Variants in UBIAD1 observed in about 807,000 individuals in gnomAD.
The protein encoded by UBIAD1 is UbiA prenyltransferase domain containing 1.
A neutral mutation model predicts 20.1 loss-of-function variants in UBIAD1; 12 were observed. The ratio of observed to expected loss-of-function variants is 0.60; its 90% CI spans 0.38 to 0.97. The LOEUF is 0.97. Among genes scored for constraint, UBIAD1 ranks in the 50% least tolerant of loss-of-function variants. The pLI is 0.00. For synonymous variants in UBIAD1, 207 were observed against 189.2 expected (o/e 1.09, Z -0.77); for missense variants, 333 against 419.5 (o/e 0.79, Z 1.80).
At chr1:11,295,280 C>T (rs1208038631), downstream of UBIAD1, 1 of 245,754 alleles carries the variant, frequency 4.1e-6, no homozygotes, top group East Asian at 9.5e-5. Flanking sequence ...TCCATGGAAA[C>T]CGAGGTGCTG....
chr1:11,297,406 C>G (rs1467387261), downstream of UBIAD1, among the ~76,000 whole-genome samples: 1 of 152,182 alleles, frequency 6.6e-6, no homozygotes, highest in South Asian at 2.1e-4. Context: ...CTTCTCAGCC[C>G]CCAGACCTGT....
chr1:11,299,147 C>G (rs1638492887), downstream of UBIAD1, among the ~76,000 whole-genome samples: 1 of 152,216 alleles, frequency 6.6e-6, no homozygotes, highest in Non-Finnish European at 1.5e-5. Context: ...CACTGCCTGC[C>G]CTGGGTCATC....
At chr1:11,291,036 A>G (rs768180135), downstream of UBIAD1, among the ~76,000 whole-genome samples, 1 of 152,200 alleles carries the variant, frequency 6.6e-6, no homozygotes. Flanking sequence ...TGAGTCAGTA[A>G]TGAGCTCCAA....
rs1190998443 is a variant in UBIAD1 at position 11,285,727 on chromosome 1, A to G, written c.613A>G (p.Ile205Val). The G allele has an allele frequency of 1.2e-6, 2 of 1,614,002 alleles. No homozygotes were observed. Among genetic ancestry groups the G allele is most frequent in the Non-Finnish European group, 1.7e-6 (2 of 1,180,020 alleles). ...GPLAVMFAYA[I>V]QVGSLAIFPL... ...GCTGGCTGTGATGTTCGCCTACGCC[A>G]TCCAGGTGGGGTCCCTGGCCATCTT... Residue 205 changes from isoleucine (I) to valine (V), a missense_variant, in exon 2 of 2, where the codon ATC becomes GTC. This residue lies in a region of UBIAD1 where 226 missense variants were observed against 263.5 expected (regional missense o/e 0.86). Transcript: ENST00000376810. The surrounding 1 kb of genome is among the most constrained non-coding windows in gnomAD (Gnocchi z 4.4).
chr1:11,298,997 G>A (rs963984355), downstream of UBIAD1, among the ~76,000 whole-genome samples: 4 of 152,314 alleles, frequency 2.6e-5, no homozygotes, highest in South Asian at 2.1e-4. This position sits in a 1 kb window ranked among gnomAD's most constrained non-coding sequence, Gnocchi z 4.0. Context: ...GGTGAGGAGC[G>A]AAGATAACCA....
rs755933378 is a variant in UBIAD1 at position 11,285,546 on chromosome 1, C to T, written c.530-98C>T. ...CCCACCTGCACAGTCTAAGGATTTA[C>T]CATTTTCAGCCGGAAGTGGCCTGCC... is the stretch of plus-strand genomic sequence containing the variant. On this transcript the variant is annotated intron_variant, in intron 1 of 1. Transcript: ENST00000376810. This position sits in a 1 kb window ranked among gnomAD's most constrained non-coding sequence, Gnocchi z 4.4. 8 of 1,581,700 alleles carry T rather than the reference C, an allele frequency of 5.1e-6. No homozygotes were observed. Among genetic ancestry groups the T allele is most frequent in the African/African-American group, 4.0e-5 (3 of 74,396 alleles).
chr1:11,277,158 A>G (rs1569891775), intron 1 of UBIAD1, among the ~76,000 whole-genome samples: 2 of 151,738 alleles, frequency 1.3e-5, no homozygotes, highest in East Asian at 3.9e-4. Context: ...AATCGCTTGA[A>G]CCTGGGAGGT....
At chr1:11,296,522 C>T (rs12140178), downstream of UBIAD1, among the ~76,000 whole-genome samples, 9,633 of 151,940 alleles carry the variant, frequency 0.063, 414 homozygotes, top group South Asian at 0.14. Flanking sequence ...TTCCCCCTGT[C>T]CCCCCCTTTG....
At chr1:11,277,484 C>G (rs895129435) in intron 1 of UBIAD1, among the ~76,000 whole-genome samples, 1 of 152,012 alleles carries the variant, frequency 6.6e-6, no homozygotes, top group East Asian at 2.0e-4. Flanking sequence ...GTTGGCCAGG[C>G]TGGTCTCTCT....
chr1:11,289,574 A>T (rs190815720), downstream of UBIAD1, among the ~76,000 whole-genome samples: 1,718 of 151,430 alleles, frequency 0.011, 16 homozygotes, highest in Non-Finnish European at 0.016. Context: ...TTTATTTATT[A>T]TTTTTTTTGA....
intron 1 of UBIAD1, among the ~76,000 whole-genome samples, chr1:11,282,041 G>A (rs1042271627): frequency 6.6e-6 from 1 of 151,916 alleles, no homozygotes; most frequent in African/African-American, 2.4e-5. Context: ...TGGCTATTAC[G>A]TCTGAACATT....
chr1:11,274,051 TAC>T lies in UBIAD1; in HGVS notation c.524_525del (p.Thr175ArgfsTer122), dbSNP rs751013806. On this transcript the variant is annotated frameshift_variant, in exon 1 of 2. Coordinates refer to ENST00000376810, the MANE Select transcript of UBIAD1 (RefSeq NM_013319.3). LOFTEE classifies it high-confidence loss of function. ...TGGAGGCCTGTCTGGCTCCTTTCTC[TAC>T]ACAGGAGGTAAGATTTGGCCTGTCC... ...YFGGLSGSFL[Y>X]TGGIGFKYVA... 1.2e-6 allele frequency: 2 copies of T among 1,614,204 alleles called. No homozygotes were observed. The highest frequency in any genetic ancestry group is 2.2e-5 in the South Asian group (2 of 91,084).
chr1:11,276,852 C>T (rs576050925), intron 1 of UBIAD1, among the ~76,000 whole-genome samples: 23 of 152,030 alleles, frequency 1.5e-4, no homozygotes, highest in South Asian at 4.2e-4. Context: ...TCAACTCCCC[C>T]CCAACATTTT....
intron 1 of UBIAD1, among the ~76,000 whole-genome samples, chr1:11,278,400 CAA>C (rs1176302096): frequency 3.3e-5 from 5 of 152,120 alleles, no homozygotes; most frequent in African/African-American, 9.7e-5. Context: ...AGTACCTTAA[CAA>C]GAGAAAAAAA....
At chr1:11,296,224 G>C (rs749863528), downstream of UBIAD1, among the ~76,000 whole-genome samples, 1 of 152,178 alleles carries the variant, frequency 6.6e-6, no homozygotes, top group Non-Finnish European at 1.5e-5. Flanking sequence ...CCAGAGGACA[G>C]ACAGACAAAC....
At chr1:11,278,525 TG>T in intron 1 of UBIAD1, 1 of 674,432 alleles carries the variant, frequency 1.5e-6, no homozygotes, top group Non-Finnish European at 2.1e-6. Context: ...ATTTAACGTG[TG>T]GGTATTTTGC....
chr1:11,275,104 C>A (rs977307072), intron 1 of UBIAD1, among the ~76,000 whole-genome samples: 1 of 152,220 alleles, frequency 6.6e-6, no homozygotes. Context: ...ATTTATTGAG[C>A]ACCTATTATG....
At position 11,285,706 on chromosome 1, in the gene UBIAD1, G is replaced by GCTGTGAT; in HGVS notation, c.593_599dup (p.Met200IlefsTer100). On this transcript the variant is annotated frameshift_variant, in exon 2 of 2. Transcript: ENST00000376810. LOFTEE classifies it high-confidence loss of function. This position sits in a 1 kb window ranked among gnomAD's most constrained non-coding sequence, Gnocchi z 4.4. ...CATCCTCATCACTTTTGGCCCGCTG[G>GCTGTGAT]CTGTGATGTTCGCCTACGCCATCCA... The GCTGTGAT allele has an allele frequency of 6.2e-7, 1 of 1,614,170 alleles. No homozygotes were observed. Among genetic ancestry groups the GCTGTGAT allele is most frequent in the Non-Finnish European group, 8.5e-7 (1 of 1,180,030 alleles).
Position 11,274,158 on chromosome 1 carries a change from C to T in UBIAD1, c.529+98C>T, listed in dbSNP as rs1651905879. 2.8e-6 allele frequency: 4 copies of T among 1,430,422 alleles called. No individual in the cohort carries two copies. The African/African-American group carries it at 5.6e-5, about 20-fold the overall frequency. The allele number at this position is 1,430,422 out of a possible 1,614,324, so 88.6% of individuals were successfully genotyped here. On this transcript the variant is annotated intron_variant, in intron 1 of 1. Coordinates refer to ENST00000376810, the MANE Select transcript of UBIAD1 (RefSeq NM_013319.3). ...TTATAGGGATGTCAAAGGTGGCTTT[C>T]TAATTTAAGCCGCTTTAATTGAAGT...
Sources: gnomAD v4.1 joint callset for allele counts (sites outside exome capture counted in the v4.1 genomes callset) on GRCh38, gnomAD v4.1.1 for gene constraint, gnomAD v4.1.1 regional missense constraint, Gnocchi (gnomAD v3.1) non-coding constraint, MANE v1.5 for transcripts, NCBI Gene and HGNC (gene_info 2026-07-23, HGNC 2026-07-21) for gene names.